The following PKP4 variants were observed in gnomAD, a reference collection of about 807,000 sequenced individuals.
PKP4 encodes the protein plakophilin-4.
In PKP4, 90 loss-of-function variants were observed where a neutral mutation model predicts 145.1. The observed-to-expected ratio is 0.62, with a 90% CI of 0.52 to 0.74. The LOEUF (loss-of-function observed/expected upper bound fraction) is 0.74, where lower values mean the gene tolerates loss of function less well. PKP4 is among the 30% of genes least tolerant of loss of function. The pLI, the probability that PKP4 is intolerant of heterozygous loss-of-function variation, is 0.00. For missense variants in PKP4, 1,340 were observed against 1,482.7 expected (o/e 0.90, Z 1.58); for synonymous variants, 563 against 577.2 (o/e 0.98, Z 0.35).
chr2:158,544,325 A>C (rs2044776810), intron 2 of PKP4, among the ~76,000 whole-genome samples: 1 of 152,202 alleles, frequency 6.6e-6, no homozygotes, highest in African/African-American at 2.4e-5. Flanking sequence ...ACAATTTTGT[A>C]AAAAGGACTG....
intron 1 of PKP4, among the ~76,000 whole-genome samples, chr2:158,510,745 G>A (rs1252254145): frequency 1.3e-5 from 2 of 152,210 alleles, no homozygotes; most frequent in Admixed American, 6.5e-5. Flanking sequence ...CCCTGCCCAG[G>A]CAGCTGATGG....
At chr2:158,495,565 G>C (rs986961804) in intron 1 of PKP4, among the ~76,000 whole-genome samples, 1 of 151,958 alleles carries the variant, frequency 6.6e-6, no homozygotes, top group African/African-American at 2.4e-5. Context: ...TCCGGGTGCC[G>C]TGGCTCCCAC....
At chr2:158,462,569 C>T (rs758205558) in intron 1 of PKP4, among the ~76,000 whole-genome samples, 1 of 152,114 alleles carries the variant, frequency 6.6e-6, no homozygotes, top group Non-Finnish European at 1.5e-5. Context: ...AGGGATGAAG[C>T]ACATGTTTTC....
rs766202328 is a variant in PKP4 at position 158,640,576 on chromosome 2, T to G, written c.1563-51T>G. 30 of 1,593,796 alleles carry G rather than the reference T, an allele frequency of 1.9e-5. No individual in the cohort carries two copies. In the African/African-American group the frequency reaches 3.9e-4, roughly 21 times the overall value. On this transcript the variant is annotated intron_variant, in intron 9 of 21. Transcript: ENST00000389759. The stretch of plus-strand genomic sequence containing the variant: ...CTTATACCAAGTGTTTTTTTCAGTG[T>G]ATTTTTACAACATGGGCCTTCCTTT...
chr2:158,670,058 C>A, intron 17 of PKP4, 143 bp downstream of exon 17: 2 of 637,348 alleles, frequency 3.1e-6, no homozygotes, highest in Non-Finnish European at 2.6e-6. Flanking sequence ...CAGTCTCCAG[C>A]ACTTACAACC....
chr2:158,603,890 A>G (rs996927197), intron 4 of PKP4, among the ~76,000 whole-genome samples: 1 of 152,224 alleles, frequency 6.6e-6, no homozygotes, highest in Non-Finnish European at 1.5e-5. Flanking sequence ...GACTTAGATA[A>G]CCAAATGCCC....
intron 1 of PKP4, among the ~76,000 whole-genome samples, chr2:158,501,757 G>A (rs184269591): frequency 6.6e-6 from 1 of 152,230 alleles, no homozygotes; most frequent in African/African-American, 2.4e-5. Flanking sequence ...AGTCTCTATT[G>A]TGTGCCTATT....
At chr2:158,525,641 A>G (rs563789997) in intron 1 of PKP4, among the ~76,000 whole-genome samples, 9 of 109,648 alleles carry the variant, frequency 8.2e-5, no homozygotes, top group Non-Finnish European at 1.5e-4. Flanking sequence ...ATCAGAGCAG[A>G]ACTGAAGGAA....
chr2:158,590,755 G>A (rs915596853), intron 3 of PKP4, among the ~76,000 whole-genome samples: 4 of 152,120 alleles, frequency 2.6e-5, no homozygotes, highest in Non-Finnish European at 4.4e-5. Flanking sequence ...TAACTTGGTA[G>A]AACTTCGCAA....
rs1178333112 is a variant in PKP4, at chr2:158,630,925, T to TG, written c.1154-828_1154-827insG. Among the ~76,000 whole-genome samples, 9 of 122,378 alleles carry TG rather than the reference T, an allele frequency of 7.4e-5. No individual in the cohort carries two copies. In the South Asian group the frequency reaches 1.2e-3, roughly 17 times the overall value. The allele number at this position is 122,378 out of a possible 152,430, so 80.3% of individuals were successfully genotyped here. A position where few individuals can be genotyped will look rare whatever the true frequency, so the allele number is the denominator to read the frequency against. Reference sequence around the variant, plus strand: ...TTCATCCTGCTGCCAAGAGAAAGTGTTTTTGTTTGTTTGTTTGTTTGTTTG... The same window carrying TG: ...TTCATCCTGCTGCCAAGAGAAAGTGTGTTTTGTTTGTTTGTTTGTTTGTTTG... On this transcript the variant is annotated intron_variant, in intron 7 of 21. Coordinates refer to ENST00000389759, the MANE Select transcript of PKP4 (RefSeq NM_003628.6).
intron 4 of PKP4, among the ~76,000 whole-genome samples, chr2:158,612,406 G>C (rs911321983): frequency 1.3e-5 from 2 of 152,110 alleles, no homozygotes; most frequent in African/African-American, 4.8e-5. Context: ...TCTTATCAGT[G>C]AACATTTTGT....
intron 1 of PKP4, among the ~76,000 whole-genome samples, chr2:158,468,639 G>A (rs1253857769): frequency 6.6e-6 from 1 of 152,046 alleles, no homozygotes; most frequent in African/African-American, 2.4e-5. Flanking sequence ...GATGAAGACA[G>A]TATTTTCCTA....
chr2:158,666,318 T>C (rs1206520132), intron 15 of PKP4, 95 bp from the exon 16 acceptor site: 2 of 1,086,202 alleles, frequency 1.8e-6, no homozygotes, highest in Non-Finnish European at 2.5e-6. Flanking sequence ...TTTAATCTAT[T>C]AGTTCATCTT....
intron 11 of PKP4, among the ~76,000 whole-genome samples, chr2:158,651,673 A>G (rs528984161): frequency 6.6e-6 from 1 of 151,820 alleles, no homozygotes; most frequent in African/African-American, 2.4e-5. Context: ...CCTCCTGTCA[A>G]ACACAAGTTC....
intron 1 of PKP4, among the ~76,000 whole-genome samples, chr2:158,505,341 G>A (rs1461963358): frequency 6.6e-6 from 1 of 152,124 alleles, no homozygotes; most frequent in Non-Finnish European, 1.5e-5. Context: ...GATCACCAGA[G>A]TATTAAGATT....
intron 1 of PKP4, among the ~76,000 whole-genome samples, chr2:158,517,915 C>CA (rs554303563): frequency 0.027 from 3,758 of 136,714 alleles, 92 homozygotes; most frequent in African/African-American, 0.073. Context: ...GACCCTGTCT[C>CA]AAAAAAAAAA....
chr2:158,658,314 G>T lies in PKP4; in HGVS notation c.2093G>T (p.Arg698Met). The change falls in exon 12 of 22, where the codon AGG becomes ATG. Residue 698 changes from arginine (R) to methionine (M), a missense_variant and splice_region_variant. Physicochemically the swap from Arg to Met is moderately conservative, Grantham distance 91. Transcript: ENST00000389759. ...CTGCGTAACACGACAGGTTGCCTAA[G>T]GTAAATTCTTTATTTCTTCTTTCCA... is the stretch of plus-strand genomic sequence containing the variant. ...LVLRNTTGCL[R>M]NLSSAGEEAR... 1 of 1,563,972 alleles carries T rather than the reference G, an allele frequency of 6.4e-7. No individual in the cohort carries two copies. The highest frequency in any genetic ancestry group is 1.4e-5 in the African/African-American group (1 of 72,926).
intron 6 of PKP4, among the ~76,000 whole-genome samples, chr2:158,622,213 T>G (rs539561988): frequency 6.6e-6 from 1 of 152,360 alleles, no homozygotes; most frequent in Non-Finnish European, 1.5e-5. Flanking sequence ...TTCTTTTCTT[T>G]TACTAGATAG....
chr2:158,643,045 C>T (rs1278235018), intron 11 of PKP4, among the ~76,000 whole-genome samples: 1 of 152,094 alleles, frequency 6.6e-6, no homozygotes, highest in Admixed American at 6.6e-5. Context: ...ATAAAATATA[C>T]TTAATGGATT....
Sources: allele counts gnomAD v4.1 joint callset (sites outside exome capture counted in the v4.1 genomes callset), GRCh38; gene constraint gnomAD v4.1.1; transcripts MANE v1.5; gene names NCBI Gene and HGNC (gene_info 2026-07-23, HGNC 2026-07-21).